Variants in SLC9A9 observed in about 807,000 individuals in gnomAD.
The protein encoded by SLC9A9 is sodium/hydrogen exchanger 9.
In SLC9A9, 62 loss-of-function variants were observed where a neutral mutation model predicts 77.8. The ratio of observed to expected loss-of-function variants is 0.80; its 90% CI spans 0.65 to 0.98. The LOEUF is 0.98. Among genes scored for constraint, SLC9A9 ranks in the 50% least tolerant of loss-of-function variants. The pLI is 0.00. For synonymous variants in SLC9A9, 320 were observed against 283.5 expected (o/e 1.13, Z -1.29); for missense variants, 775 against 774.9 (o/e 1.00, Z 0.00).
chr3:143,664,927 A>C (rs1233758098), intron 5 of SLC9A9, among the ~76,000 whole-genome samples: 1 of 152,170 alleles, frequency 6.6e-6, no homozygotes, highest in Non-Finnish European at 1.5e-5. Flanking sequence ...ACAGATGAAC[A>C]AGACAGAAAG....
chr3:143,478,350 C>T (rs1166158644), intron 11 of SLC9A9, among the ~76,000 whole-genome samples: 1 of 152,174 alleles, frequency 6.6e-6, no homozygotes, highest in Non-Finnish European at 1.5e-5. Context: ...GGAGGGGAAG[C>T]CTGTGAATGA....
At chr3:143,804,170 T>C (rs1447967437) in intron 2 of SLC9A9, among the ~76,000 whole-genome samples, 3 of 152,170 alleles carry the variant, frequency 2.0e-5, no homozygotes, top group East Asian at 1.9e-4. Flanking sequence ...ACTGAAACAA[T>C]TGGAGCCTTC....
Position 143,831,934 on chromosome 3 carries a change from C to T in SLC9A9, c.378+85G>A, listed in dbSNP as rs990049293. The T allele has an allele frequency of 1.1e-5, 13 of 1,202,230 alleles. No homozygotes were observed. The African/African-American group carries it at 1.7e-4, about 15-fold the overall frequency. The allele number at this position is 1,202,230 out of a possible 1,614,324, so 74.5% of individuals were successfully genotyped here. A position where few individuals can be genotyped will look rare whatever the true frequency, so the allele number is the denominator to read the frequency against. On this transcript the variant is annotated intron_variant, in intron 2 of 15. Transcript: ENST00000316549. ...ATAGGCATATATGTGTGTGTGAATG[C>T]ATTATATAAAAAGTATAAAGGCTCA...
intron 6 of SLC9A9, among the ~76,000 whole-genome samples, chr3:143,597,368 T>C (rs1407636946): frequency 2.0e-5 from 3 of 152,182 alleles, no homozygotes; most frequent in African/African-American, 7.2e-5. Flanking sequence ...GCTGTCCTTC[T>C]TGCAGACAGA....
intron 9 of SLC9A9, among the ~76,000 whole-genome samples, chr3:143,526,865 G>A (rs1470034058): frequency 1.3e-5 from 2 of 152,168 alleles, no homozygotes; most frequent in Non-Finnish European, 2.9e-5. Flanking sequence ...CAAAGTATAT[G>A]TTATTCTGTG....
At chr3:143,315,021 A>G (rs1195556467) in intron 14 of SLC9A9, among the ~76,000 whole-genome samples, 1 of 152,240 alleles carries the variant, frequency 6.6e-6, no homozygotes, top group African/African-American at 2.4e-5. Flanking sequence ...AAATGGTCTC[A>G]TTAGAGAGTT....
chr3:143,412,010 A>G (rs140358298), intron 12 of SLC9A9, among the ~76,000 whole-genome samples: 28 of 152,224 alleles, frequency 1.8e-4, no homozygotes, highest in Non-Finnish European at 2.6e-4. Flanking sequence ...GGGAAGTCCC[A>G]TTTCAGTCCG....
intron 7 of SLC9A9, among the ~76,000 whole-genome samples, chr3:143,577,095 C>T (rs1279259334): frequency 6.6e-6 from 1 of 152,140 alleles, no homozygotes; most frequent in African/African-American, 2.4e-5. Context: ...TCCTTTGTTC[C>T]AGTTCCTCAT....
chr3:143,790,061 G>C (rs995114652), intron 4 of SLC9A9, among the ~76,000 whole-genome samples: 5 of 151,986 alleles, frequency 3.3e-5, no homozygotes, highest in African/African-American at 1.2e-4. Flanking sequence ...GATCATGGGG[G>C]TGGTACCCCA....
rs1321799791 is a variant in SLC9A9, at chr3:143,848,175, G to C, written c.148C>G (p.His50Asp). 2 of 1,613,946 alleles carry C rather than the reference G, an allele frequency of 1.2e-6. No individual in the cohort carries two copies. Among genetic ancestry groups the C allele is most frequent in the Non-Finnish European group, 1.7e-6 (2 of 1,179,900 alleles). The change falls in exon 1 of 16, where the codon CAT (histidine) becomes GAT (aspartate). Residue 50 changes from histidine (H) to aspartate (D), a missense_variant. By Grantham distance (81) the His-to-Asp change is moderately conservative. Coordinates refer to ENST00000316549, the MANE Select transcript of SLC9A9 (RefSeq NM_173653.4). ...TACACCATTGCTCCTCCAGTTTCAT[G>C]CAAGAAGCGGAATCGATGATTTTTA... ...LFKNHRFRFL[H>D]ETGGAMVYGL... is the part of the protein sequence containing the mutation.
At chr3:143,639,578 C>G (rs1477433533) in intron 6 of SLC9A9, among the ~76,000 whole-genome samples, 1 of 152,204 alleles carries the variant, frequency 6.6e-6, no homozygotes, top group Non-Finnish European at 1.5e-5. Context: ...TTCTTCCCAG[C>G]TTTGTGTAGT....
chr3:143,467,115 G>A lies in SLC9A9; in HGVS notation c.1391C>T (p.Thr464Ile). The A allele has an allele frequency of 6.2e-7, 1 of 1,614,180 alleles. No homozygotes were observed. The highest frequency in any genetic ancestry group is 8.5e-7 in the Non-Finnish European group (1 of 1,180,014). Residue 464 changes from threonine to isoleucine, a missense_variant, in exon 12 of 16, where the codon ACT becomes ATT. By Grantham distance (89) the Thr-to-Ile change is moderately conservative. Coordinates refer to ENST00000316549, the MANE Select transcript of SLC9A9 (RefSeq NM_173653.4). Reference sequence around the variant, plus strand: ...AGTGAAGAACACGAGGAGCAGCGTAGTGGTAAACATCATTTGTTTGGGCTG... The same window carrying A: ...AGTGAAGAACACGAGGAGCAGCGTAATGGTAAACATCATTTGTTTGGGCTG... ...ESQPKQMMFT[T>I]TLLLVFFTVW... is the part of the protein sequence containing the mutation.
At chr3:143,355,714 G>A (rs1209923439) in intron 14 of SLC9A9, among the ~76,000 whole-genome samples, 1 of 152,220 alleles carries the variant, frequency 6.6e-6, no homozygotes, top group African/African-American at 2.4e-5. Flanking sequence ...CTTTACAGGT[G>A]CATCGCAAGT....
intron 14 of SLC9A9, among the ~76,000 whole-genome samples, chr3:143,326,579 G>A (rs1309205462): frequency 1.3e-5 from 2 of 152,012 alleles, no homozygotes; most frequent in African/African-American, 4.8e-5. Flanking sequence ...GCATGGGATG[G>A]TCTTCTCTCA....
At chr3:143,822,395 C>G (rs4839668) in intron 2 of SLC9A9, among the ~76,000 whole-genome samples, 83,354 of 152,122 alleles carry the variant, frequency 0.55, 26,091 homozygotes, top group Non-Finnish European at 0.69. Flanking sequence ...ACACCCCAAC[C>G]TGGGGCAGAA....
chr3:143,806,309 ACT>A (rs1008338343), intron 2 of SLC9A9, among the ~76,000 whole-genome samples: 1 of 151,630 alleles, frequency 6.6e-6, no homozygotes, highest in African/African-American at 2.4e-5. Context: ...CAAACCGGCC[ACT>A]CTCTGTTCTG....
chr3:143,355,149 A>G (rs1018406531), intron 14 of SLC9A9, among the ~76,000 whole-genome samples: 1 of 152,236 alleles, frequency 6.6e-6, no homozygotes, highest in East Asian at 1.9e-4. Context: ...AAGAAGAATT[A>G]TGTCTGATTT....
intron 11 of SLC9A9, among the ~76,000 whole-genome samples, chr3:143,484,488 G>A (rs838647): frequency 0.56 from 85,761 of 152,062 alleles, 24,366 homozygotes; most frequent in Non-Finnish European, 0.59. Context: ...CTTTTGAAGA[G>A]AAATACCACC....
chr3:143,514,884 G>A (rs1426854238), intron 9 of SLC9A9, among the ~76,000 whole-genome samples: 3 of 152,154 alleles, frequency 2.0e-5, no homozygotes, highest in African/African-American at 7.2e-5. Flanking sequence ...GTTCACTGGA[G>A]TAGCATTTTA....
Sources: allele counts gnomAD v4.1 joint callset (sites outside exome capture counted in the v4.1 genomes callset), GRCh38; gene constraint gnomAD v4.1.1; transcripts MANE v1.5; gene names NCBI Gene and HGNC (gene_info 2026-07-23, HGNC 2026-07-21).